The following FAM120A variants were observed in gnomAD, a reference collection of about 807,000 sequenced individuals.
FAM120A encodes the protein constitutive coactivator of PPAR-gamma-like protein 1.
In FAM120A, 15 loss-of-function variants were observed where a neutral mutation model predicts 109.7. That is an observed-to-expected ratio of 0.14 (90% CI 0.09 to 0.21). FAM120A has a LOEUF of 0.21. Among genes scored for constraint, FAM120A ranks in the 10% least tolerant of loss-of-function variants. The pLI, the probability that FAM120A is intolerant of heterozygous loss-of-function variation, is 1.00. For missense variants in FAM120A, 899 were observed against 1,439.3 expected (o/e 0.62, Z 6.07); for synonymous variants, 493 against 572.8 (o/e 0.86, Z 1.99).
intron 10 of FAM120A, among the ~76,000 whole-genome samples, chr9:93,535,124 A>G (rs188094055): frequency 1.9e-3 from 296 of 152,318 alleles, no homozygotes; most frequent in African/African-American, 7.1e-3. Flanking sequence ...AGAATGAATA[A>G]TTGGTTTAGG....
intron 17 of FAM120A, 122 bp downstream of exon 17, chr9:93,562,426 A>AAGTGTCT: frequency 1.4e-6 from 1 of 713,330 alleles, no homozygotes; most frequent in Non-Finnish European, 2.5e-6. Context: ...TTTAGCTGTC[A>AAGTGTCT]AGTGTCTAAC....
rs1859756998 is a variant in FAM120A, at chr9:93,500,562, C to T, written c.1030+1676C>T. ...ATGTAAAGTCTAGGGTAATGAGGGC[C>T]TATTAGTCACCTTTACTTTTATATC... On this transcript the variant is annotated intron_variant, in intron 5 of 17. Transcript: ENST00000277165. The surrounding 1 kb of genome is among the most constrained non-coding windows in gnomAD (Gnocchi z 4.6). 6.6e-6 allele frequency among the ~76,000 whole-genome samples: 1 copy of T among 152,206 alleles called. No individual in the cohort carries two copies. Among genetic ancestry groups the T allele is most frequent in the Non-Finnish European group, 1.5e-5 (1 of 68,038 alleles).
chr9:93,531,347 A>G (rs559043430), intron 9 of FAM120A: 1 of 152,370 alleles, frequency 6.6e-6, no homozygotes, highest in Non-Finnish European at 1.5e-5. Flanking sequence ...CTTCATAGAC[A>G]TTGAGGTCAT....
intron 1 of FAM120A, among the ~76,000 whole-genome samples, chr9:93,466,540 C>T (rs10821131): frequency 0.49 from 74,260 of 151,220 alleles, 18,505 homozygotes; most frequent in East Asian, 0.58. Flanking sequence ...AGAGAAGCCC[C>T]GGTTCTTTGT....
intron 1 of FAM120A, among the ~76,000 whole-genome samples, chr9:93,463,426 G>A (rs1246639391): frequency 2.0e-5 from 3 of 152,174 alleles, no homozygotes; most frequent in African/African-American, 7.2e-5. Flanking sequence ...CCTGAAGAGA[G>A]AGATTTCTTT....
chr9:93,537,378 G>A (rs1004597093), intron 10 of FAM120A, among the ~76,000 whole-genome samples: 3 of 152,138 alleles, frequency 2.0e-5, no homozygotes, highest in Admixed American at 6.5e-5. Flanking sequence ...ATTGAAGAGC[G>A]CAAAGTTCAG....
intron 3 of FAM120A, among the ~76,000 whole-genome samples, chr9:93,495,968 A>T (rs1367032702): frequency 1.3e-5 from 2 of 152,188 alleles, no homozygotes; most frequent in African/African-American, 4.8e-5. Flanking sequence ...TTTTATTTTG[A>T]TATCTTTGAT....
chr9:93,529,417 G>T lies in FAM120A; in HGVS notation c.1571G>T (p.Gly524Val). The T allele has an allele frequency of 1.2e-6, 2 of 1,614,052 alleles. No homozygotes were observed. Among genetic ancestry groups the T allele is most frequent in the Non-Finnish European group, 1.7e-6 (2 of 1,179,944 alleles). The change falls in exon 9 of 18, where the codon GGC (glycine) becomes GTC (valine). Residue 524 changes from glycine (G) to valine (V), a missense_variant. Coordinates refer to ENST00000277165, the MANE Select transcript of FAM120A (RefSeq NM_014612.5). The part of the protein sequence containing the change: ...QLAEGKGSQM[G>V]TVQPIPCLLS... ...GCCGAAGGCAAGGGAAGCCAGATGG[G>T]CACTGTCCAGCCAATCCCGTGCCTC...
chr9:93,557,989 G>A lies in FAM120A; in HGVS notation c.2647G>A (p.Gly883Ser), dbSNP rs1271558763. The A allele has an allele frequency of 1.9e-6, 3 of 1,599,224 alleles. No homozygotes were observed. The highest frequency in any genetic ancestry group is 2.5e-6 in the Non-Finnish European group (3 of 1,178,702). The change falls in exon 14 of 18, where the codon GGC (glycine) becomes AGC (serine). Residue 883 changes from glycine (G) to serine (S), a missense_variant. Gly to Ser is a moderately conservative substitution (Grantham distance 56, BLOSUM62 0). Transcript: ENST00000277165. ...CTTTGGGCCTGTCCCACCCTCTCAG[G>A]GCAGGGGCAGAGGCTTTGCAGGTGA... Reference protein sequence around the residue: ...RHFGPVPPSQGRGRGFAGVCG... With the variant: ...RHFGPVPPSQSRGRGFAGVCG...
At position 93,524,645 on chromosome 9, in the gene FAM120A, C is replaced by T. The variant is rs114457443; in HGVS notation, c.1419-2510C>T. 6.6e-3 allele frequency among the ~76,000 whole-genome samples: 1,007 copies of T among 152,312 alleles called. 14 individuals carry two copies. Among genetic ancestry groups the T allele is most frequent in the African/African-American group, 0.023 (970 of 41,572 alleles). On this transcript the variant is annotated intron_variant, in intron 7 of 17. Coordinates refer to ENST00000277165, the MANE Select transcript of FAM120A (RefSeq NM_014612.5). Reference sequence around the variant, plus strand: ...TGTGAAACTGTCTGTAGCGTCGGCTCGGCTCTGCTGTGGTAGCAGGTGCCA... The same window carrying T: ...TGTGAAACTGTCTGTAGCGTCGGCTTGGCTCTGCTGTGGTAGCAGGTGCCA...
chr9:93,497,705 T>A, intron 4 of FAM120A, 106 bp downstream of exon 4: 1 of 1,348,780 alleles, frequency 7.4e-7, no homozygotes, highest in African/African-American at 1.5e-5. Flanking sequence ...GCAAGCTGAC[T>A]GGATGGGTCT....
At chr9:93,459,258 C>T (rs1252154014) in intron 1 of FAM120A, among the ~76,000 whole-genome samples, 1 of 152,224 alleles carries the variant, frequency 6.6e-6, no homozygotes, top group Non-Finnish European at 1.5e-5. Context: ...CCCGTAGGCT[C>T]CTTGAGGCCA....
intron 5 of FAM120A, among the ~76,000 whole-genome samples, chr9:93,510,095 A>G (rs1466760162): frequency 2.0e-5 from 3 of 152,222 alleles, no homozygotes; most frequent in African/African-American, 7.2e-5. Context: ...CATTACTCCC[A>G]TTGAGTAGAA....
At position 93,543,262 on chromosome 9, in the gene FAM120A, A is replaced by G. The variant is rs1861767624; in HGVS notation, c.1950A>G (p.Gly650=). 3.1e-6 allele frequency: 5 copies of G among 1,614,200 alleles called. No individual in the cohort carries two copies. In the East Asian group the frequency reaches 6.7e-5, roughly 22 times the overall value. The change falls in exon 11 of 18, where the codon GGA becomes GGG. Residue 650 remains glycine (G), a synonymous_variant. Coordinates refer to ENST00000277165, the MANE Select transcript of FAM120A (RefSeq NM_014612.5). ...VIIKEWAAYK[G]KSPQTPELVE... ...TTAAAGAATGGGCAGCTTACAAAGG[A>G]AAGTCTCCTCAAACCCCGGAACTGG... is the stretch of plus-strand genomic sequence containing the variant.
Position 93,558,676 on chromosome 9 carries a change from T to C in FAM120A, c.2764T>C (p.Phe922Leu), listed in dbSNP as rs745825128. 8 of 1,614,120 alleles carry C rather than the reference T, an allele frequency of 5.0e-6. No individual in the cohort carries two copies. In the South Asian group the frequency reaches 8.8e-5, roughly 18 times the overall value. Residue 922 changes from phenylalanine (F) to leucine (L), a missense_variant, in exon 15 of 18, where the codon TTC (phenylalanine) becomes CTC (leucine). By Grantham distance (22) the Phe-to-Leu change is conservative. This residue lies in a region of FAM120A where 129 missense variants were observed against 153.4 expected (regional missense o/e 0.84). Coordinates refer to ENST00000277165, the MANE Select transcript of FAM120A (RefSeq NM_014612.5). ...VAAASGHCGA[F>L]SGSDSSRTSK... Reference sequence around the variant, plus strand: ...GGCAGCATCGGGACACTGCGGAGCCTTCTCAGGCAGTGACAGCAGCAGGAC... The same window carrying C: ...GGCAGCATCGGGACACTGCGGAGCCCTCTCAGGCAGTGACAGCAGCAGGAC...
intron 3 of FAM120A, among the ~76,000 whole-genome samples, chr9:93,481,921 C>T (rs576910285): frequency 2.6e-5 from 4 of 152,284 alleles, no homozygotes; most frequent in Admixed American, 6.5e-5. Context: ...ATTCATGGAA[C>T]GCCATCTTCT....
intron 7 of FAM120A, chr9:93,523,325 G>T: frequency 7.8e-7 from 1 of 1,289,424 alleles, no homozygotes. Context: ...TTCACAAAGA[G>T]AATTCCATCG....
At chr9:93,462,574 G>A (rs887489276) in intron 1 of FAM120A, among the ~76,000 whole-genome samples, 3 of 152,184 alleles carry the variant, frequency 2.0e-5, no homozygotes, top group African/African-American at 4.8e-5. Flanking sequence ...GAGCCACCAC[G>A]CCTGTCCCCG....
At chr9:93,562,665 CTTT>C (rs535421624) in intron 17 of FAM120A, among the ~76,000 whole-genome samples, 9 of 134,972 alleles carry the variant, frequency 6.7e-5, no homozygotes, top group Admixed American at 5.2e-4. Flanking sequence ...CTTTCTTTTT[CTTT>C]TTTTTTTTTT....
Sources: gnomAD v4.1 joint callset for allele counts (sites outside exome capture counted in the v4.1 genomes callset) on GRCh38, gnomAD v4.1.1 for gene constraint, gnomAD v4.1.1 regional missense constraint, Gnocchi (gnomAD v3.1) non-coding constraint, MANE v1.5 for transcripts, NCBI Gene and HGNC (gene_info 2026-07-23, HGNC 2026-07-21) for gene names.